TOM1: variants seen among roughly 807,000 people sequenced by gnomAD.
The protein encoded by TOM1 is target of Myb protein 1.
In TOM1, 38 loss-of-function variants were observed where a neutral mutation model predicts 61.3. The ratio of observed to expected loss-of-function variants is 0.62; its 90% CI spans 0.48 to 0.81. The LOEUF (loss-of-function observed/expected upper bound fraction) is 0.81. Ranked by LOEUF, TOM1 falls within the 40% of genes least tolerant of loss-of-function variation. The pLI, the probability that TOM1 is intolerant of heterozygous loss-of-function variation, is 0.00. For missense variants in TOM1, 591 were observed against 659.6 expected, an observed-to-expected ratio of 0.90 and a Z score of 1.14; for synonymous variants, 270 against 268.8, an observed-to-expected ratio of 1.00 and a Z score of -0.04.
At chr22:35,314,111 C>T (rs570464329) in intron 1 of TOM1, among the ~76,000 whole-genome samples, 18 of 152,324 alleles carry the variant, frequency 1.2e-4, no homozygotes, top group African/African-American at 4.3e-4. Flanking sequence ...ACCCTGTGGG[C>T]ATCTGAAGGA....
intron 2 of TOM1, chr22:35,321,735 C>T: frequency 3.0e-6 from 2 of 670,526 alleles, no homozygotes; most frequent in Non-Finnish European, 5.6e-6. Context: ...CTCATCTTTT[C>T]TCAAAGTGAC....
chr22:35,300,008 C>T (rs778334914), intron 1 of TOM1, 28 bp downstream of exon 1: 3 of 1,555,438 alleles, frequency 1.9e-6, no homozygotes, highest in South Asian at 1.2e-5. Context: ...CCCACAGCTC[C>T]GCCCCGGTGC....
chr22:35,328,698 C>T (rs1441710089), intron 7 of TOM1, among the ~76,000 whole-genome samples: 1 of 152,216 alleles, frequency 6.6e-6, no homozygotes, highest in African/African-American at 2.4e-5. Context: ...TGAGGAAATC[C>T]CGGAGGCCTG....
intron 1 of TOM1, among the ~76,000 whole-genome samples, chr22:35,311,319 A>C (rs1180319021): frequency 6.6e-6 from 1 of 152,242 alleles, no homozygotes; most frequent in Non-Finnish European, 1.5e-5. Flanking sequence ...TGCAGGTAAC[A>C]GGAAACGCAA....
intron 1 of TOM1, among the ~76,000 whole-genome samples, chr22:35,309,888 A>G (rs2145619060): frequency 6.6e-6 from 1 of 152,272 alleles, no homozygotes; most frequent in Non-Finnish European, 1.5e-5. Flanking sequence ...GAGCCGCCCA[A>G]GAGACACCCG....
At chr22:35,324,212 A>G (rs1928109819) in intron 6 of TOM1, among the ~76,000 whole-genome samples, 1 of 152,168 alleles carries the variant, frequency 6.6e-6, no homozygotes, top group South Asian at 2.1e-4. Context: ...GGGCCCTCCA[A>G]CAGCACCATG....
chr22:35,333,189 G>C, intron 9 of TOM1, 175 bp downstream of exon 9: 1 of 820,798 alleles, frequency 1.2e-6, no homozygotes, highest in Non-Finnish European at 2.0e-6. Flanking sequence ...ATAAGGCTGT[G>C]CCACCACCTG....
chr22:35,336,244 G>C (rs528196839), intron 11 of TOM1, among the ~76,000 whole-genome samples: 1 of 152,268 alleles, frequency 6.6e-6, no homozygotes, highest in African/African-American at 2.4e-5. Flanking sequence ...GCGTGGACCT[G>C]AGCATCCATT....
intron 2 of TOM1, among the ~76,000 whole-genome samples, chr22:35,318,472 C>T (rs377547348): frequency 5.3e-5 from 8 of 152,206 alleles, no homozygotes; most frequent in South Asian, 2.1e-4. Context: ...TGGCGTTTGC[C>T]GGGCGTTTCT....
intron 12 of TOM1, among the ~76,000 whole-genome samples, chr22:35,339,163 T>C (rs1929656093): frequency 6.6e-6 from 1 of 152,026 alleles, no homozygotes; most frequent in Non-Finnish European, 1.5e-5. Flanking sequence ...AAACCCCGTA[T>C]CTACTAAAAA....
chr22:35,334,460 G>C lies in TOM1; in HGVS notation c.1148+12G>C. 1 of 1,613,712 alleles carries C rather than the reference G, an allele frequency of 6.2e-7. No homozygotes were observed. The highest frequency in any genetic ancestry group is 8.5e-7 in the Non-Finnish European group (1 of 1,179,946). The stretch of plus-strand genomic sequence containing the variant: ...GACCAACGGAAAGAGTGAGTGGCCT[G>C]GCCCTGCCCTGGTCCCCTGCAGTTC... On this transcript the variant is annotated intron_variant, in intron 11 of 14. Coordinates refer to ENST00000449058, the MANE Select transcript of TOM1 (RefSeq NM_005488.3).
intron 1 of TOM1, 127 bp from the exon 2 acceptor site, chr22:35,317,750 G>A (rs1927421625): frequency 2.8e-6 from 2 of 704,792 alleles, no homozygotes; most frequent in African/African-American, 3.5e-5. Flanking sequence ...CCTGTGCCCA[G>A]GAAGTGTCTG....
At chr22:35,305,599 G>A (rs1327519830) in intron 1 of TOM1, among the ~76,000 whole-genome samples, 2 of 151,838 alleles carry the variant, frequency 1.3e-5, no homozygotes, top group African/African-American at 4.8e-5. Context: ...GGCGAAGGTT[G>A]CAGTGAGCCA....
chr22:35,320,999 A>AAAAAAAAAAAAAAC (rs1927723960), intron 2 of TOM1, among the ~76,000 whole-genome samples: 1 of 150,304 alleles, frequency 6.7e-6, no homozygotes, highest in Admixed American at 6.6e-5. Context: ...AAAAAAAAAA[A>AAAAAAAAAAAAAAC]AACTTGAATG....
chr22:35,330,984 C>T (rs1300328218), intron 8 of TOM1, among the ~76,000 whole-genome samples: 1 of 152,116 alleles, frequency 6.6e-6, no homozygotes, highest in Non-Finnish European at 1.5e-5. Flanking sequence ...AAGATGGATC[C>T]CAGGGCAGCT....
At chr22:35,307,857 A>G (rs2145613426) in intron 1 of TOM1, among the ~76,000 whole-genome samples, 1 of 152,326 alleles carries the variant, frequency 6.6e-6, no homozygotes, top group African/African-American at 2.4e-5. Context: ...GTAGTGGTTA[A>G]CTTTATGTGT....
intron 12 of TOM1, among the ~76,000 whole-genome samples, chr22:35,343,695 T>A (rs111213307): frequency 5.3e-5 from 4 of 74,972 alleles, no homozygotes; most frequent in Admixed American, 1.6e-4. Context: ...ACCTACACAC[T>A]CATACACCTA....
chr22:35,306,105 C>T (rs980098409), intron 1 of TOM1, among the ~76,000 whole-genome samples: 12 of 151,898 alleles, frequency 7.9e-5, no homozygotes, highest in Non-Finnish European at 1.2e-4. Context: ...TTGAATTTCA[C>T]GTAATTTTCA....
At chr22:35,300,133 A>C (rs375817161) in intron 1 of TOM1, among the ~76,000 whole-genome samples, 153 bp downstream of exon 1, 6 of 152,052 alleles carry the variant, frequency 3.9e-5, no homozygotes, top group African/African-American at 1.4e-4. Flanking sequence ...CTTTCCTCCC[A>C]CTCTTGATTG....
Sources: gnomAD v4.1 joint callset for allele counts (sites outside exome capture counted in the v4.1 genomes callset) on GRCh38, gnomAD v4.1.1 for gene constraint, MANE v1.5 for transcripts, NCBI Gene and HGNC (gene_info 2026-07-23, HGNC 2026-07-21) for gene names.